CSMD1: variants seen among roughly 807,000 people sequenced by gnomAD.
CSMD1 encodes the protein CUB and Sushi multiple domains 1.
In CSMD1, 213 loss-of-function variants were observed where a neutral mutation model predicts 417.5. That is an observed-to-expected ratio of 0.51 (90% CI 0.46 to 0.57). The LOEUF (loss-of-function observed/expected upper bound fraction) is 0.57. CSMD1 is among the 20% of genes least tolerant of loss of function. CSMD1 has a pLI of 0.00. For missense variants in CSMD1, 6,923 were observed against 4,529.7 expected, an observed-to-expected ratio of 1.53 and a Z score of -15.17; for synonymous variants, 2,862 against 1,736.8, an observed-to-expected ratio of 1.65 and a Z score of -16.11.
intron 3 of CSMD1, among the ~76,000 whole-genome samples, chr8:4,185,093 C>A (rs1004454174): frequency 2.2e-5 from 3 of 135,418 alleles, no homozygotes; most frequent in Middle Eastern, 4.3e-3. Context: ...GAGCCAAGAT[C>A]GCACCACTGC....
chr8:3,396,996 T>TACA (rs1185450571), intron 16 of CSMD1, among the ~76,000 whole-genome samples: 1 of 152,166 alleles, frequency 6.6e-6, no homozygotes, highest in Non-Finnish European at 1.5e-5. Flanking sequence ...TTGAGAAAGT[T>TACA]ACAACAGCTT....
Position 2,935,804 on chromosome 8 carries a change from G to C in CSMD1, c.*2781C>G, listed in dbSNP as rs951153235. On this transcript the variant is annotated 3_prime_UTR_variant, in exon 70 of 70. Coordinates refer to ENST00000635120, the MANE Select transcript of CSMD1 (RefSeq NM_033225.6). Reference sequence around the variant, plus strand: ...TTTTTTTTACCCCCTTTTTATAATAGCTTTTTGTTGTTGTTTACAAAATAT... The same window carrying C: ...TTTTTTTTACCCCCTTTTTATAATACCTTTTTGTTGTTGTTTACAAAATAT... 1.3e-5 allele frequency: 2 copies of C among 152,092 alleles called. No homozygotes were observed. Among genetic ancestry groups the C allele is most frequent in the African/African-American group, 4.8e-5 (2 of 41,406 alleles). The allele number at this position is 152,092 out of a possible 1,614,324, so 9.4% of individuals were successfully genotyped here. A position where few individuals can be genotyped will look rare whatever the true frequency, so the allele number is the denominator to read the frequency against.
intron 1 of CSMD1, among the ~76,000 whole-genome samples, chr8:4,723,457 A>G (rs1027899553): frequency 1.3e-5 from 2 of 152,194 alleles, no homozygotes; most frequent in African/African-American, 4.8e-5. Context: ...CCTGATACTT[A>G]TGATTCAAGT....
intron 1 of CSMD1, among the ~76,000 whole-genome samples, chr8:4,887,551 A>G (rs1274732310): frequency 1.3e-5 from 2 of 151,982 alleles, no homozygotes; most frequent in African/African-American, 4.8e-5. Context: ...TTATTTGTTA[A>G]CGAAAGTGGG....
At chr8:4,340,910 C>G (rs879663622) in intron 3 of CSMD1, among the ~76,000 whole-genome samples, 6 of 151,994 alleles carry the variant, frequency 3.9e-5, no homozygotes, top group African/African-American at 1.4e-4. Flanking sequence ...AAAGTGGGAA[C>G]TCAAGCGGAG....
At chr8:3,652,986 G>T (rs1042281468) in intron 7 of CSMD1, among the ~76,000 whole-genome samples, 3 of 152,094 alleles carry the variant, frequency 2.0e-5, no homozygotes, top group Admixed American at 6.6e-5. Flanking sequence ...AATTAGCATT[G>T]TCTGCACTAT....
intron 2 of CSMD1, among the ~76,000 whole-genome samples, chr8:4,625,158 G>A (rs909604917): frequency 5.3e-5 from 8 of 151,972 alleles, no homozygotes; most frequent in Non-Finnish European, 8.8e-5. Flanking sequence ...ATACGAGGAC[G>A]GGAATCTCGT....
chr8:3,106,667 G>C (rs371471839), intron 45 of CSMD1, 26 bp from the exon 46 acceptor site: 2 of 1,466,340 alleles, frequency 1.4e-6, no homozygotes, highest in African/African-American at 2.8e-5. Context: ...CAACAAACCA[G>C]GAAATTGTGT....
chr8:4,280,580 C>G (rs1585149930), intron 3 of CSMD1, among the ~76,000 whole-genome samples: 1 of 152,230 alleles, frequency 6.6e-6, no homozygotes, highest in East Asian at 1.9e-4. Context: ...TGCAGCTATG[C>G]TGGGAAAAAT....
intron 3 of CSMD1, among the ~76,000 whole-genome samples, chr8:4,415,461 T>C (rs918774663): frequency 4.9e-5 from 7 of 144,296 alleles, no homozygotes; most frequent in African/African-American, 1.8e-4. Context: ...GGTCGTGGCC[T>C]GAGCCCACTC....
intron 3 of CSMD1, among the ~76,000 whole-genome samples, chr8:4,059,783 C>A (rs1166086205): frequency 7.1e-4 from 108 of 151,858 alleles, no homozygotes; most frequent in African/African-American, 2.2e-3. Context: ...ACAGGAGCTG[C>A]AATTGTGGCA....
chr8:3,284,824 T>A (rs1013340319), intron 25 of CSMD1, among the ~76,000 whole-genome samples: 3 of 152,186 alleles, frequency 2.0e-5, no homozygotes, highest in African/African-American at 7.2e-5. Flanking sequence ...TTTCTACCTG[T>A]GTCTGAATGG....
intron 3 of CSMD1, among the ~76,000 whole-genome samples, chr8:4,198,286 C>T (rs903694922): frequency 6.6e-6 from 1 of 152,224 alleles, no homozygotes; most frequent in African/African-American, 2.4e-5. Context: ...AAGGTAAACC[C>T]CAGAGAAGTG....
intron 5 of CSMD1, among the ~76,000 whole-genome samples, chr8:3,832,735 G>A (rs117329781): frequency 0.03 from 4,495 of 152,182 alleles, 104 homozygotes; most frequent in Non-Finnish European, 0.043. Flanking sequence ...ACACCATGAT[G>A]ACTTCTGATA....
intron 3 of CSMD1, among the ~76,000 whole-genome samples, chr8:4,143,815 T>C (rs1803945022): frequency 6.6e-6 from 1 of 151,212 alleles, no homozygotes; most frequent in South Asian, 2.1e-4. Context: ...CAGGGCCTAG[T>C]TACACAGTTT....
At chr8:4,328,727 T>G (rs553314755) in intron 3 of CSMD1, among the ~76,000 whole-genome samples, 2 of 152,308 alleles carry the variant, frequency 1.3e-5, no homozygotes, top group South Asian at 4.1e-4. Context: ...GGCTATTTCT[T>G]TACTGTTCTT....
At chr8:4,868,585 C>T (rs1387238020) in intron 1 of CSMD1, among the ~76,000 whole-genome samples, 1 of 151,940 alleles carries the variant, frequency 6.6e-6, no homozygotes, top group Non-Finnish European at 1.5e-5. Flanking sequence ...CAATCATTTT[C>T]ATTCGTCTAA....
intron 6 of CSMD1, among the ~76,000 whole-genome samples, chr8:3,714,453 T>G (rs930674678): frequency 6.7e-6 from 1 of 150,116 alleles, no homozygotes; most frequent in Admixed American, 6.7e-5. Flanking sequence ...CCAGGCATGG[T>G]GGTTCACATC....
At chr8:4,682,104 C>A (rs377462733) in intron 1 of CSMD1, among the ~76,000 whole-genome samples, 132 of 152,214 alleles carry the variant, frequency 8.7e-4, no homozygotes, top group African/African-American at 3.1e-3. Context: ...CTGCAACCTC[C>A]GCCTCCTGGG....
Sources: allele counts gnomAD v4.1 joint callset (sites outside exome capture counted in the v4.1 genomes callset), GRCh38; gene constraint gnomAD v4.1.1; transcripts MANE v1.5; gene names NCBI Gene and HGNC (gene_info 2026-07-23, HGNC 2026-07-21).